ATP6V1C1: variants seen among roughly 807,000 people sequenced by gnomAD.
ATP6V1C1 encodes ATPase H+ transporting V1 subunit C1.
A neutral mutation model predicts 53.9 loss-of-function variants in ATP6V1C1; 45 were observed. That is an observed-to-expected ratio of 0.83 (90% CI 0.66 to 1.07). ATP6V1C1 has a LOEUF of 1.07. Ranked by LOEUF, ATP6V1C1 falls within the 50% of genes least tolerant of loss-of-function variation. ATP6V1C1 has a pLI of 0.00. For missense variants in ATP6V1C1, 315 were observed against 440.3 expected (o/e 0.72, Z 2.55); for synonymous variants, 153 against 155.2 (o/e 0.99, Z 0.11).
At chr8:103,051,871 T>C (rs1250012697) in intron 5 of ATP6V1C1, among the ~76,000 whole-genome samples, 1 of 152,050 alleles carries the variant, frequency 6.6e-6, no homozygotes, top group Non-Finnish European at 1.5e-5. Flanking sequence ...GGGCAAGAAG[T>C]GTAGTTTAAA....
At chr8:103,060,474 A>G (rs574706541) in intron 8 of ATP6V1C1, among the ~76,000 whole-genome samples, 6 of 152,290 alleles carry the variant, frequency 3.9e-5, no homozygotes, top group African/African-American at 1.4e-4. Flanking sequence ...TATATTTTCT[A>G]TTGCAGCACT....
intron 1 of ATP6V1C1, among the ~76,000 whole-genome samples, chr8:103,023,910 G>A (rs1001360583): frequency 6.6e-6 from 1 of 151,610 alleles, no homozygotes; most frequent in African/African-American, 2.4e-5. Context: ...TTTTTTGGGG[G>A]GGGGGAACTT....
At chr8:103,067,462 T>A (rs72669356) in intron 12 of ATP6V1C1, among the ~76,000 whole-genome samples, 12,249 of 150,422 alleles carry the variant, frequency 0.081, 657 homozygotes, top group Non-Finnish European at 0.11. Context: ...AATATCTTGC[T>A]GATTTTTTTT....
chr8:103,060,190 G>A (rs1817372960), intron 8 of ATP6V1C1, among the ~76,000 whole-genome samples: 1 of 151,888 alleles, frequency 6.6e-6, no homozygotes, highest in South Asian at 2.1e-4. Context: ...CTGGTCTCGA[G>A]CTCCTGACCT....
At chr8:103,066,484 G>A (rs1437808630) in intron 12 of ATP6V1C1, 37 bp downstream of exon 12, 4 of 1,497,408 alleles carry the variant, frequency 2.7e-6, no homozygotes, top group African/African-American at 1.4e-5. Context: ...AAGAATTGAA[G>A]TGAATTTCAG....
At chr8:103,053,282 C>G (rs1369260028) in intron 6 of ATP6V1C1, among the ~76,000 whole-genome samples, 1 of 151,816 alleles carries the variant, frequency 6.6e-6, no homozygotes, top group Non-Finnish European at 1.5e-5. Flanking sequence ...GGTTGATCCC[C>G]TTGTACTATG....
chr8:103,047,890 C>T lies in ATP6V1C1; in HGVS notation c.201-980C>T, dbSNP rs1817132947. ...CTAGTGATCCCTTTTTCCTTTCTCT[C>T]TCTCTGTCTGCAACCTGGCAATCTC... On this transcript the variant is annotated intron_variant, in intron 3 of 12. Coordinates refer to ENST00000518738, the MANE Select transcript of ATP6V1C1 (RefSeq NM_001695.5). 2.6e-5 allele frequency among the ~76,000 whole-genome samples: 4 copies of T among 152,224 alleles called. No individual in the cohort carries two copies. In the South Asian group the frequency reaches 8.3e-4, roughly 32 times the overall value.
chr8:103,046,037 G>C (rs985332463), intron 3 of ATP6V1C1, among the ~76,000 whole-genome samples: 6 of 151,830 alleles, frequency 4.0e-5, no homozygotes, highest in Non-Finnish European at 8.8e-5. Context: ...CCTCATTACA[G>C]TTACAAGTTA....
At chr8:103,031,669 A>G (rs1816798282) in intron 1 of ATP6V1C1, among the ~76,000 whole-genome samples, 1 of 152,182 alleles carries the variant, frequency 6.6e-6, no homozygotes. Context: ...CAGCTCCAAC[A>G]TTGGGGTTTA....
intron 6 of ATP6V1C1, 115 bp from the exon 7 acceptor site, chr8:103,053,769 A>G: frequency 1.4e-6 from 1 of 721,470 alleles, no homozygotes; most frequent in Non-Finnish European, 2.3e-6. Flanking sequence ...GTTGACTAAG[A>G]CTAATCCCTC....
At chr8:103,064,944 A>ATT in intron 11 of ATP6V1C1, 133 bp downstream of exon 11, 2 of 697,452 alleles carry the variant, frequency 2.9e-6, no homozygotes, top group Non-Finnish European at 4.6e-6. Flanking sequence ...TGAGACAGAG[A>ATT]TTATCAGTAT....
At chr8:103,044,923 T>C (rs4734068) in intron 3 of ATP6V1C1, among the ~76,000 whole-genome samples, 39,888 of 152,084 alleles carry the variant, frequency 0.26, 6,052 homozygotes, top group Admixed American at 0.39. Context: ...TGGAAGAGTT[T>C]TTCTAAATTG....
At chr8:103,029,942 G>A (rs1305962309) in intron 1 of ATP6V1C1, among the ~76,000 whole-genome samples, 2 of 151,818 alleles carry the variant, frequency 1.3e-5, no homozygotes, top group Non-Finnish European at 2.9e-5. Flanking sequence ...TATGTTGGCC[G>A]TGGCTGGTCT....
At position 103,066,031 on chromosome 8, in the gene ATP6V1C1, TC is replaced by T. The variant is rs1817483002; in HGVS notation, c.927-288del. Among the ~76,000 whole-genome samples the T allele has an allele frequency of 2.0e-5, 3 of 151,758 alleles. No homozygotes were observed. In the South Asian group the frequency reaches 6.2e-4, roughly 32 times the overall value. ...CACTCCAGCCTGGCAACAGTAAGAA[TC>T]CGTCTCAAAAGAAAAAAAAAATGAA... On this transcript the variant is annotated intron_variant, in intron 11 of 12. Coordinates refer to ENST00000518738, the MANE Select transcript of ATP6V1C1 (RefSeq NM_001695.5).
intron 10 of ATP6V1C1, among the ~76,000 whole-genome samples, chr8:103,063,547 A>G (rs1459772421): frequency 2.0e-5 from 3 of 152,214 alleles, no homozygotes; most frequent in South Asian, 2.1e-4. Flanking sequence ...TTAATTTTAA[A>G]TGCAGTATTC....
At position 103,063,146 on chromosome 8, in the gene ATP6V1C1, G is replaced by C. The variant is rs770366596; in HGVS notation, c.746G>C (p.Arg249Pro). ...HKARENKFIV[R>P]DFQYNEEEMK... ...TCCCCCAAATTTAGATTCATTGTTC[G>C]TGACTTCCAGTATAATGAAGAGGAG... is the stretch of plus-strand genomic sequence containing the variant. Residue 249 changes from arginine (R) to proline (P), a missense_variant, in exon 10 of 13, where the codon CGT (arginine) becomes CCT (proline). Physicochemically the swap from Arg to Pro is moderately radical, Grantham distance 103 (BLOSUM62 -2). Coordinates refer to ENST00000518738, the MANE Select transcript of ATP6V1C1 (RefSeq NM_001695.5). The C allele has an allele frequency of 1.2e-6, 2 of 1,612,808 alleles. No homozygotes were observed. The highest frequency in any genetic ancestry group is 2.7e-5 in the African/African-American group (2 of 74,776).
At chr8:103,037,123 G>T (rs1816912852) in intron 1 of ATP6V1C1, among the ~76,000 whole-genome samples, 1 of 152,166 alleles carries the variant, frequency 6.6e-6, no homozygotes, top group African/African-American at 2.4e-5. Context: ...GATAGGTGGT[G>T]ATGTGATCCA....
At position 103,061,739 on chromosome 8, in the gene ATP6V1C1, C is replaced by T. The variant is rs950638864; in HGVS notation, c.642-1216C>T. Reference sequence around the variant, plus strand: ...GTAAAGCTGTTTAAAAAACACTAAACATTAGAAGAACTCCAGTATGTGAAA... The same window carrying T: ...GTAAAGCTGTTTAAAAAACACTAAATATTAGAAGAACTCCAGTATGTGAAA... On this transcript the variant is annotated intron_variant, in intron 8 of 12. Transcript: ENST00000518738. Among the ~76,000 whole-genome samples the T allele has an allele frequency of 1.8e-4, 28 of 152,154 alleles. 1 individual carries two copies. Among genetic ancestry groups the T allele is most frequent in the Admixed American group, 3.9e-4 (6 of 15,272 alleles).
chr8:103,065,286 G>A (rs2131404969), intron 11 of ATP6V1C1, among the ~76,000 whole-genome samples: 1 of 152,354 alleles, frequency 6.6e-6, no homozygotes, highest in Admixed American at 6.5e-5. Context: ...GCCGGGTGCA[G>A]TGGCTCACGC....
Sources: gnomAD v4.1 joint callset for allele counts (sites outside exome capture counted in the v4.1 genomes callset) on GRCh38, gnomAD v4.1.1 for gene constraint, MANE v1.5 for transcripts, NCBI Gene and HGNC (gene_info 2026-07-23, HGNC 2026-07-21) for gene names.